Variants in DEAF1 observed in about 807,000 individuals in gnomAD.
DEAF1 encodes DEAF1 transcription factor, also known as deformed epidermal autoregulatory factor 1 homolog.
Under a neutral mutation model 58.9 loss-of-function variants are expected in DEAF1, and 53 were observed. The ratio of observed to expected loss-of-function variants is 0.90; its 90% CI spans 0.72 to 1.13. The LOEUF is 1.13. Among genes scored for constraint, DEAF1 ranks in the 50% most tolerant of loss-of-function variants. The pLI is 0.00. For synonymous variants in DEAF1, 385 were observed against 340.4 expected, an observed-to-expected ratio of 1.13 and a Z score of -1.44; for missense variants, 685 against 791.4, an observed-to-expected ratio of 0.87 and a Z score of 1.61.
At chr11:679,876 C>G in intron 7 of DEAF1, 60 bp from the exon 8 acceptor site, 1 of 1,604,964 alleles carries the variant, frequency 6.2e-7, no homozygotes, top group South Asian at 1.1e-5. Flanking sequence ...CACACAGGTC[C>G]CGTGCCACCC....
At chr11:655,518 C>T (rs888355009) in intron 10 of DEAF1, among the ~76,000 whole-genome samples, 15 of 143,130 alleles carry the variant, frequency 1.0e-4, no homozygotes, top group South Asian at 2.3e-4. Context: ...CCTGCACGCC[C>T]GCTATGCGCC....
At chr11:692,675 A>G (rs1860883945) in intron 1 of DEAF1, among the ~76,000 whole-genome samples, 1 of 151,982 alleles carries the variant, frequency 6.6e-6, no homozygotes, top group African/African-American at 2.4e-5. Flanking sequence ...CAACATAGAG[A>G]AACCCCATCT....
chr11:696,813 C>T (rs1283012259), upstream of DEAF1, among the ~76,000 whole-genome samples: 1 of 9,850 alleles, frequency 1.0e-4, no homozygotes, highest in Non-Finnish European at 3.0e-4. Flanking sequence ...GGCGCAGTAG[C>T]TCACGCCTGT....
intron 6 of DEAF1, 48 bp downstream of exon 6, chr11:684,850 C>A (rs1416309012): frequency 6.6e-7 from 1 of 1,523,544 alleles, no homozygotes; most frequent in Admixed American, 2.0e-5. Flanking sequence ...CACTCAGCCG[C>A]CCCCAGCCCC....
chr11:648,342 C>G (rs1168489669), intron 11 of DEAF1, among the ~76,000 whole-genome samples: 1 of 152,016 alleles, frequency 6.6e-6, no homozygotes, highest in Non-Finnish European at 1.5e-5. Flanking sequence ...CTACAGGCGC[C>G]CACCACCACG....
chr11:700,338 C>A, intron 1 of DEAF1: 1 of 1,075,070 alleles, frequency 9.3e-7, no homozygotes, highest in Non-Finnish European at 1.4e-6. Flanking sequence ...ACCAGCCAGG[C>A]CAACATGGGG....
intron 1 of DEAF1, among the ~76,000 whole-genome samples, chr11:692,988 G>A (rs1005710953): frequency 6.6e-6 from 1 of 152,208 alleles, no homozygotes; most frequent in African/African-American, 2.4e-5. Flanking sequence ...CTCAACGCCA[G>A]GCCCATGGCA....
chr11:694,823 G>A lies in DEAF1; in HGVS notation c.225C>T (p.His75=). The A allele has an allele frequency of 6.9e-7, 1 of 1,448,468 alleles. No homozygotes were observed. Among genetic ancestry groups the A allele is most frequent in the Non-Finnish European group, 9.1e-7 (1 of 1,103,378 alleles). 89.7% of individuals were successfully genotyped at this position (1,448,468 alleles called of 1,614,324 possible). Residue 75 remains histidine, a synonymous_variant, in exon 1 of 12, where the codon CAC becomes CAT. Transcript: ENST00000382409. ...GCAGGGCCTCGGCGCCCATGTCCAT[G>A]TGCCCGGGCTCCGCCGCCATCACCG... The part of the protein sequence containing the change: ...AVAVMAAEPG[H]MDMGAEALPG...
At position 674,512 on chromosome 11, in the gene DEAF1, T is replaced by A. The variant is rs369640108; in HGVS notation, c.1503+24A>T. 7.6e-5 allele frequency: 122 copies of A among 1,613,612 alleles called. No homozygotes were observed. The Middle Eastern group carries it at 1.7e-3, about 22-fold the overall frequency. On this transcript the variant is annotated intron_variant, in intron 10 of 11. Transcript: ENST00000382409. The stretch of plus-strand genomic sequence containing the variant: ...CTGGGGTTACTCGGCACAGGTCGTG[T>A]CTTCCCATTTGTTCCAAGGTTACCT...
intron 1 of DEAF1, among the ~76,000 whole-genome samples, chr11:694,212 A>G (rs1860979286): frequency 6.7e-6 from 1 of 149,936 alleles, no homozygotes; most frequent in Non-Finnish European, 1.5e-5. Context: ...GGGCTGCCAC[A>G]AAGAAAAGGG....
At position 695,075 on chromosome 11, in the gene DEAF1, C is replaced by CGCCGTCCGGG; in HGVS notation, c.-38_-29dup. 6.9e-7 allele frequency: 1 copy of CGCCGTCCGGG among 1,439,818 alleles called. No homozygotes were observed. Among genetic ancestry groups the CGCCGTCCGGG allele is most frequent in the Non-Finnish European group, 9.1e-7 (1 of 1,097,820 alleles). The allele number at this position is 1,439,818 out of a possible 1,614,324, so 89.2% of individuals were successfully genotyped here. ...GGACTCCGCCGAGCCTTCCCGAAGG[C>CGCCGTCCGGG]GCCGTCCGGGACCGCCCGAAGCGCC... On this transcript the variant is annotated 5_prime_UTR_variant, in exon 1 of 12. Transcript: ENST00000382409.
Position 670,771 on chromosome 11 carries a change from G to GTTT in DEAF1, c.1503+3762_1503+3764dup, listed in dbSNP as rs199899292. The stretch of plus-strand genomic sequence containing the variant: ...CCTTTTTAATTTCTTTTTTCTTTTT[G>GTTT]TTTTTGTTTTTTTTTTTTTTTTTTG... On this transcript the variant is annotated intron_variant, in intron 10 of 11. Coordinates refer to ENST00000382409, the MANE Select transcript of DEAF1 (RefSeq NM_021008.4). Among the ~76,000 whole-genome samples the GTTT allele has an allele frequency of 5.8e-3, 261 of 45,268 alleles. 2 individuals carry two copies. The highest frequency in any genetic ancestry group is 0.018 in the African/African-American group (235 of 13,266). The allele number at this position is 45,268 out of a possible 152,430, so 29.7% of individuals were successfully genotyped here.
rs1287702440 is a variant in DEAF1 at position 694,610 on chromosome 11, GT to G, written c.289+148del. The G allele has an allele frequency of 1.1e-5, 8 of 702,602 alleles. No individual in the cohort carries two copies. In the African/African-American group the frequency reaches 1.5e-4, roughly 13 times the overall value. The allele number at this position is 702,602 out of a possible 1,614,324, so 43.5% of individuals were successfully genotyped here. On this transcript the variant is annotated intron_variant, in intron 1 of 11. Transcript: ENST00000382409. ...CGTGGAGCAGGTGTGAGGGGCAGGT[GT>G]GCAGGGCGGGTGGAGCGGGCTGGTC...
chr11:657,031 T>C (rs1053607263), intron 10 of DEAF1, among the ~76,000 whole-genome samples: 5 of 150,330 alleles, frequency 3.3e-5, no homozygotes, highest in Non-Finnish European at 7.4e-5. Flanking sequence ...ATCCCTGCTC[T>C]GCAGCTGAAC....
At chr11:659,107 T>C (rs1477391458) in intron 10 of DEAF1, among the ~76,000 whole-genome samples, 2 of 151,828 alleles carry the variant, frequency 1.3e-5, no homozygotes, top group Non-Finnish European at 2.9e-5. Context: ...AAAACCTAGA[T>C]ACTGGCCAGG....
At chr11:657,133 C>G (rs1447316744) in intron 10 of DEAF1, among the ~76,000 whole-genome samples, 2 of 152,118 alleles carry the variant, frequency 1.3e-5, no homozygotes, top group African/African-American at 2.4e-5. Context: ...ACCTGGCACC[C>G]AGGCCTCACT....
intron 6 of DEAF1, among the ~76,000 whole-genome samples, chr11:682,746 T>C (rs1860432397): frequency 6.6e-6 from 1 of 152,180 alleles, no homozygotes; most frequent in Non-Finnish European, 1.5e-5. Flanking sequence ...TGGGGCTCCG[T>C]ATGCTTGGCC....
intron 1 of DEAF1, chr11:704,232 C>G (rs765722570): frequency 3.1e-4 from 274 of 879,392 alleles, no homozygotes; most frequent in Non-Finnish European, 3.7e-4. Flanking sequence ...CTGGCCTCGC[C>G]CTCGGGCCCT....
Position 674,454 on chromosome 11 carries a change from G to T in DEAF1, c.1503+82C>A, listed in dbSNP as rs11246258. On this transcript the variant is annotated intron_variant, in intron 10 of 11. Coordinates refer to ENST00000382409, the MANE Select transcript of DEAF1 (RefSeq NM_021008.4). The stretch of plus-strand genomic sequence containing the variant: ...CAGGGGCCTTGTGAGCCAAGGTGGG[G>T]CTTGCGCAGCTGGGCACAGGCACCA... 1,108,943 of 1,597,492 alleles carry T rather than the reference G, an allele frequency of 0.69. 388,353 individuals are homozygous for T. Among genetic ancestry groups the T allele is most frequent in the East Asian group, 0.93 (41,809 of 44,828 alleles).
Sources: gnomAD v4.1 joint callset for allele counts (sites outside exome capture counted in the v4.1 genomes callset) on GRCh38, gnomAD v4.1.1 for gene constraint, MANE v1.5 for transcripts, NCBI Gene and HGNC (gene_info 2026-07-23, HGNC 2026-07-21) for gene names.